DCX: variants seen among roughly 807,000 people sequenced by gnomAD.
DCX encodes the protein neuronal migration protein doublecortin.
Under a neutral mutation model 20.9 loss-of-function variants are expected in DCX, and 4 were observed. That is an observed-to-expected ratio of 0.19 (90% CI 0.09 to 0.44). The LOEUF (loss-of-function observed/expected upper bound fraction) is 0.44, where lower values mean the gene tolerates loss of function less well. Ranked by LOEUF, DCX falls within the 20% of genes least tolerant of loss-of-function variation. The pLI is 0.99. For missense variants in DCX, 133 were observed against 296.9 expected, an observed-to-expected ratio of 0.45 and a Z score of 4.06; for synonymous variants, 103 against 111.4, an observed-to-expected ratio of 0.92 and a Z score of 0.47.
intron 3 of DCX, among the ~76,000 whole-genome samples, chrX:111,375,544 A>G (rs937248789): frequency 9.0e-6 from 1 of 111,338 alleles, no homozygotes; most frequent in African/African-American, 3.3e-5. Flanking sequence ...TTTGAGTCCC[A>G]CTCTAGGCTC....
intron 5 of DCX, among the ~76,000 whole-genome samples, chrX:111,316,861 T>C (rs1344402569): frequency 9.2e-6 from 1 of 108,124 alleles, no homozygotes; most frequent in Non-Finnish European, 1.9e-5. Context: ...GCAATACAGC[T>C]AACCAGGGAG....
chrX:111,373,347 G>A (rs1409433023), intron 3 of DCX, among the ~76,000 whole-genome samples: 1 of 111,930 alleles, frequency 8.9e-6, no homozygotes, highest in Non-Finnish European at 1.9e-5. Context: ...TGATTCCACA[G>A]AACAGATAGA....
chrX:111,358,620 G>T (rs2147686917), intron 3 of DCX, among the ~76,000 whole-genome samples: 1 of 112,052 alleles, frequency 8.9e-6, no homozygotes, highest in East Asian at 2.8e-4. Context: ...TTGGAGAAAT[G>T]ATCTTGCCAT....
intron 3 of DCX, among the ~76,000 whole-genome samples, chrX:111,399,525 A>T (rs1927605660): frequency 8.9e-6 from 1 of 112,426 alleles, no homozygotes; most frequent in Admixed American, 9.5e-5. Flanking sequence ...GCTGTTGAAC[A>T]GTGAAATAGG....
At chrX:111,376,600 G>T (rs1925554425) in intron 3 of DCX, among the ~76,000 whole-genome samples, 1 of 111,657 alleles carries the variant, frequency 9.0e-6, no homozygotes, top group Non-Finnish European at 1.9e-5. Flanking sequence ...TAGCTTAGTG[G>T]TTCTTAAACA....
intron 3 of DCX, among the ~76,000 whole-genome samples, chrX:111,361,247 C>G (rs763184055): frequency 1.2e-3 from 130 of 112,199 alleles, no homozygotes; most frequent in Non-Finnish European, 1.9e-3. Flanking sequence ...TCTCTACATA[C>G]TTTTGGATTG....
At chrX:111,382,895 A>G (rs1443869348) in intron 3 of DCX, among the ~76,000 whole-genome samples, 1 of 111,284 alleles carries the variant, frequency 9.0e-6, no homozygotes, top group Admixed American at 9.6e-5. Context: ...TCTCTGAGAC[A>G]AAGAATAACT....
chrX:111,337,641 C>A (rs1160575548), intron 3 of DCX, among the ~76,000 whole-genome samples: 2 of 111,965 alleles, frequency 1.8e-5, no homozygotes, highest in Non-Finnish European at 3.8e-5. Flanking sequence ...TTTGAACATG[C>A]CTGGTTCTAG....
At chrX:111,312,137 A>T (rs143808411) in intron 6 of DCX, among the ~76,000 whole-genome samples, 5,320 of 112,761 alleles carry the variant, frequency 0.047, 312 homozygotes, top group African/African-American at 0.16. Flanking sequence ...CTTCCTATTC[A>T]GCATCAGAAT....
intron 3 of DCX, among the ~76,000 whole-genome samples, chrX:111,382,512 T>C (rs751052545): frequency 8.9e-6 from 1 of 112,063 alleles, no homozygotes; most frequent in South Asian, 3.7e-4. Flanking sequence ...GCAATTTCTG[T>C]GAATGGCAAA....
chrX:111,348,874 A>AAAAAAG (rs1556382053), intron 3 of DCX, among the ~76,000 whole-genome samples: 2 of 109,611 alleles, frequency 1.8e-5, no homozygotes, highest in East Asian at 2.9e-4. Flanking sequence ...TTAAAAAAAA[A>AAAAAAG]AAAAGAAAAG....
intron 1 of DCX, chrX:111,411,154 G>A (rs1018651691): frequency 1.6e-5 from 7 of 439,689 alleles, no homozygotes; most frequent in African/African-American, 1.0e-4. Flanking sequence ...AAGCTGGGGG[G>A]AAAAAGGATT....
At chrX:111,408,895 C>T (rs1311065091) in intron 2 of DCX, among the ~76,000 whole-genome samples, 1 of 111,466 alleles carries the variant, frequency 9.0e-6, no homozygotes, top group Non-Finnish European at 1.9e-5. Flanking sequence ...GAAGCAGAGG[C>T]AGGTTTTTCC....
chrX:111,400,437 A>C (rs1261070475), intron 3 of DCX, among the ~76,000 whole-genome samples: 1 of 112,016 alleles, frequency 8.9e-6, no homozygotes, highest in African/African-American at 3.2e-5. Flanking sequence ...AAATTAAGAC[A>C]GCTATGTCAT....
intron 3 of DCX, among the ~76,000 whole-genome samples, chrX:111,371,527 A>G (rs1925081054): frequency 8.9e-6 from 1 of 111,907 alleles, no homozygotes; most frequent in Admixed American, 9.5e-5. Flanking sequence ...CATCAATAAA[A>G]TAGGAATCAT....
chrX:111,397,382 A>T (rs1382265642), intron 3 of DCX, among the ~76,000 whole-genome samples: 1 of 111,744 alleles, frequency 8.9e-6, no homozygotes, highest in Non-Finnish European at 1.9e-5. Flanking sequence ...ATCTCATCCA[A>T]GCAAGTCAAG....
At chrX:111,344,329 A>G (rs1011685176) in intron 3 of DCX, among the ~76,000 whole-genome samples, 7 of 112,187 alleles carry the variant, frequency 6.2e-5, no homozygotes, top group Non-Finnish European at 1.1e-4. Flanking sequence ...AAACTGGTAC[A>G]AGACAAGGAT....
chrX:111,389,128 A>G (rs1926744117), intron 3 of DCX, among the ~76,000 whole-genome samples: 1 of 111,342 alleles, frequency 9.0e-6, no homozygotes, highest in South Asian at 3.8e-4. Context: ...TCTACTGGAG[A>G]ATTTTGCTTT....
intron 3 of DCX, among the ~76,000 whole-genome samples, chrX:111,347,653 C>T (rs979757652): frequency 9.0e-5 from 10 of 111,598 alleles, no homozygotes; most frequent in African/African-American, 2.3e-4. Flanking sequence ...GACTGACGCC[C>T]GTCTGATCCT....
Sources: allele counts gnomAD v4.1 joint callset (sites outside exome capture counted in the v4.1 genomes callset), GRCh38; gene constraint gnomAD v4.1.1; transcripts MANE v1.5; gene names NCBI Gene and HGNC (gene_info 2026-07-23, HGNC 2026-07-21).